Variants in ATAD2B observed in about 807,000 individuals in gnomAD.
ATAD2B encodes the protein ATPase family AAA domain containing 2B.
ATAD2B carries 40 observed loss-of-function variants against 167.6 expected under a neutral mutation model. The ratio of observed to expected loss-of-function variants is 0.24; its 90% CI spans 0.19 to 0.31. The LOEUF (loss-of-function observed/expected upper bound fraction) is 0.31, where lower values mean the gene tolerates loss of function less well. Among genes scored for constraint, ATAD2B ranks in the 10% least tolerant of loss-of-function variants. The pLI, the probability that ATAD2B is intolerant of heterozygous loss-of-function variation, is 1.00. For synonymous variants in ATAD2B, 579 were observed against 596.5 expected, an observed-to-expected ratio of 0.97 and a Z score of 0.43; for missense variants, 1,242 against 1,757.2, an observed-to-expected ratio of 0.71 and a Z score of 5.24.
chr2:23,885,880 A>C, intron 4 of ATAD2B, 51 bp from the exon 5 acceptor site: 2 of 1,042,376 alleles, frequency 1.9e-6, no homozygotes, highest in African/African-American at 1.6e-5. Flanking sequence ...CACCATATAC[A>C]TAAAAGAGCT....
chr2:23,831,782 T>A (rs1689113267), intron 14 of ATAD2B, among the ~76,000 whole-genome samples: 1 of 152,210 alleles, frequency 6.6e-6, no homozygotes, highest in South Asian at 2.1e-4. Context: ...TATCACTTTT[T>A]GCCTATTGAG....
the ATAD2B span, among the ~76,000 whole-genome samples, chr2:23,741,779 G>A: frequency 2.0e-5 from 3 of 152,056 alleles, no homozygotes; most frequent in African/African-American, 7.2e-5. Context: ...CTACAGAATG[G>A]GAGAAAATTT....
At chr2:23,925,432 C>T (rs755470879) in intron 1 of ATAD2B, among the ~76,000 whole-genome samples, 2 of 152,166 alleles carry the variant, frequency 1.3e-5, no homozygotes, top group Non-Finnish European at 2.9e-5. Flanking sequence ...ACACACAAAC[C>T]GCGATCTTGT....
At chr2:23,725,513 T>C in the ATAD2B span, among the ~76,000 whole-genome samples, 4 of 152,196 alleles carry the variant, frequency 2.6e-5, no homozygotes, top group Non-Finnish European at 5.9e-5. Context: ...ATGTCAAATA[T>C]AACATATGGC....
At chr2:23,723,181 T>C in the ATAD2B span, among the ~76,000 whole-genome samples, 2 of 152,044 alleles carry the variant, frequency 1.3e-5, no homozygotes, top group Non-Finnish European at 1.5e-5. Flanking sequence ...TAGTCCCAGC[T>C]ACCCAGAGGG....
the ATAD2B span, among the ~76,000 whole-genome samples, chr2:23,683,029 C>G: frequency 6.6e-6 from 1 of 152,238 alleles, no homozygotes; most frequent in Non-Finnish European, 1.5e-5. Flanking sequence ...AAAGGGCCTG[C>G]CTGGCAATCA....
chr2:23,857,444 A>C lies in ATAD2B; in HGVS notation c.1539T>G (p.Val513=). The C allele has an allele frequency of 6.6e-7, 1 of 1,520,702 alleles. No individual in the cohort carries two copies. The highest frequency in any genetic ancestry group is 1.4e-5 in the African/African-American group (1 of 70,164). 94.2% of individuals were successfully genotyped at this position (1,520,702 alleles called of 1,614,324 possible). Residue 513 remains valine (V), a synonymous_variant, in exon 13 of 28, where the codon GTT becomes GTG. Coordinates refer to ENST00000238789, the MANE Select transcript of ATAD2B (RefSeq NM_017552.4). ...GGATCTGATCTTGTCTGCTAGAGCG[A>C]ACTGGAGCTAATCCATCTATTTCAT... ...FFDEIDGLAP[V]RSSRQDQIHS...
chr2:23,690,475 CCCA>C, the ATAD2B span: 1 of 152,280 alleles, frequency 6.6e-6, no homozygotes, highest in South Asian at 2.1e-4. Context: ...CCTCGACAGC[CCCA>C]CCGCCAGCCG....
intron 2 of ATAD2B, among the ~76,000 whole-genome samples, chr2:23,893,299 A>G (rs895819255): frequency 6.6e-6 from 1 of 152,154 alleles, no homozygotes; most frequent in African/African-American, 2.4e-5. Flanking sequence ...ACTAATTCTT[A>G]TCTGTATTCA....
intron 13 of ATAD2B, among the ~76,000 whole-genome samples, chr2:23,842,978 T>G (rs76146692): frequency 0.083 from 12,571 of 151,938 alleles, 628 homozygotes; most frequent in South Asian, 0.12. Flanking sequence ...GCCCAACAAA[T>G]TAAGAACCAA....
At chr2:23,774,945 T>TTA (rs1398263231) in intron 22 of ATAD2B, among the ~76,000 whole-genome samples, 1 of 151,978 alleles carries the variant, frequency 6.6e-6, no homozygotes, top group Non-Finnish European at 1.5e-5. Context: ...ATAAATAAAA[T>TTA]TTACTCATCG....
chr2:23,890,692 A>C (rs1699350602), intron 2 of ATAD2B, among the ~76,000 whole-genome samples: 1 of 152,224 alleles, frequency 6.6e-6, no homozygotes, highest in Admixed American at 6.5e-5. Flanking sequence ...TTGGAATTTC[A>C]CATCACTTGA....
At chr2:23,907,577 C>A (rs1441767031) in intron 1 of ATAD2B, among the ~76,000 whole-genome samples, 1 of 152,138 alleles carries the variant, frequency 6.6e-6, no homozygotes, top group Non-Finnish European at 1.5e-5. Flanking sequence ...CCATCCCTAT[C>A]AAGCTACCAA....
Position 23,805,242 on chromosome 2 carries a change from A to G in ATAD2B, c.2454+5074T>C, listed in dbSNP as rs935187213. Among the ~76,000 whole-genome samples the G allele has an allele frequency of 5.9e-5, 9 of 152,234 alleles. No homozygotes were observed. In the East Asian group the frequency reaches 1.3e-3, roughly 23 times the overall value. On this transcript the variant is annotated intron_variant, in intron 18 of 27. Coordinates refer to ENST00000238789, the MANE Select transcript of ATAD2B (RefSeq NM_017552.4). ...TACAGTCAAATAAAAACTTCAAAAA[A>G]GAGAATTTTCTAAACAGTATAGCAT... is the stretch of plus-strand genomic sequence containing the variant.
chr2:23,766,071 C>T (rs1284845665), intron 22 of ATAD2B, among the ~76,000 whole-genome samples: 2 of 151,874 alleles, frequency 1.3e-5, no homozygotes, highest in African/African-American at 2.4e-5. Flanking sequence ...CTAAAGAATA[C>T]AATATATTTT....
chr2:23,890,741 C>T (rs1699357818), intron 2 of ATAD2B, among the ~76,000 whole-genome samples: 1 of 152,088 alleles, frequency 6.6e-6, no homozygotes, highest in South Asian at 2.1e-4. Context: ...TAAAGTCATT[C>T]CACAAAAGAA....
chr2:23,887,273 A>T (rs1215831050), intron 4 of ATAD2B, among the ~76,000 whole-genome samples: 1 of 152,132 alleles, frequency 6.6e-6, no homozygotes, highest in Admixed American at 6.5e-5. Flanking sequence ...TGCTGCCGTG[A>T]CTGGTCTTGA....
chr2:23,847,456 G>C (rs1691841549), intron 13 of ATAD2B, among the ~76,000 whole-genome samples: 1 of 151,920 alleles, frequency 6.6e-6, no homozygotes, highest in Admixed American at 6.6e-5. Context: ...CATGAGCAGA[G>C]ATTGCGCCAC....
chr2:23,731,745 A>T, the ATAD2B span, among the ~76,000 whole-genome samples: 2 of 152,194 alleles, frequency 1.3e-5, no homozygotes, highest in Non-Finnish European at 2.9e-5. Context: ...TTTTGGGCTC[A>T]AGCACTTTGG....
Sources: gnomAD v4.1 joint callset for allele counts (sites outside exome capture counted in the v4.1 genomes callset) on GRCh38, gnomAD v4.1.1 for gene constraint, MANE v1.5 for transcripts, NCBI Gene and HGNC (gene_info 2026-07-23, HGNC 2026-07-21) for gene names.